FGFR2: variants seen among roughly 807,000 people sequenced by gnomAD.
The protein encoded by FGFR2 is fibroblast growth factor receptor 2, also known as BEK fibroblast growth factor receptor.
FGFR2 carries 19 observed loss-of-function variants against 95.9 expected under a neutral mutation model. That is an observed-to-expected ratio of 0.20 (90% CI 0.14 to 0.29). The LOEUF is 0.29. Among genes scored for constraint, FGFR2 ranks in the 10% least tolerant of loss-of-function variants. The pLI is 1.00. For missense variants in FGFR2, 707 were observed against 1,056.9 expected (o/e 0.67, Z 4.59); for synonymous variants, 392 against 393.3 (o/e 1.00, Z 0.04).
rs1412951377 is a variant in FGFR2 at position 121,581,785 on chromosome 10, A to T, written c.109+11924T>A. On this transcript the variant is annotated intron_variant, in intron 2 of 17. Transcript: ENST00000358487. Reference sequence around the variant, plus strand: ...TTAAAAAAAAAAAAAAAAAAAAAAAAAGCAGCAGCAGCAGCAGCTTCATAG... The same window carrying T: ...TTAAAAAAAAAAAAAAAAAAAAAAATAGCAGCAGCAGCAGCAGCTTCATAG... 4.1e-5 allele frequency among the ~76,000 whole-genome samples: 6 copies of T among 147,324 alleles called. No homozygotes were observed. In the East Asian group the frequency reaches 9.9e-4, roughly 24 times the overall value.
chr10:121,538,866 G>T, intron 5 of FGFR2, 151 bp from the exon 6 acceptor site: 1 of 995,914 alleles, frequency 1.0e-6, no homozygotes, highest in Non-Finnish European at 1.5e-6. Flanking sequence ...ATTAAGAATC[G>T]TGAGAAATGA....
rs772431089 is a variant in FGFR2 at position 121,503,955 on chromosome 10, G to T, written c.1288-14C>A. 2 of 1,613,754 alleles carry T rather than the reference G, an allele frequency of 1.2e-6. No individual in the cohort carries two copies. The highest frequency in any genetic ancestry group is 1.7e-6 in the Non-Finnish European group (2 of 1,179,912). On this transcript the variant is annotated splice_polypyrimidine_tract_variant and intron_variant, in intron 9 of 17. Transcript: ENST00000358487. ...CTCAGCCGAAACCTGGATACAAAAT[G>T]CAAAGACACAGATGTAATCCTGGCT...
chr10:121,515,455 TC>T, intron 8 of FGFR2, 136 bp from the exon 9 acceptor site: 1 of 836,642 alleles, frequency 1.2e-6, no homozygotes, highest in Non-Finnish European at 2.0e-6. Context: ...TCCCAAAAAC[TC>T]CCAAATGAAA....
At chr10:121,578,253 G>A (rs750391816) in intron 2 of FGFR2, among the ~76,000 whole-genome samples, 3 of 151,826 alleles carry the variant, frequency 2.0e-5, no homozygotes, top group Non-Finnish European at 4.4e-5. Context: ...GCGCATTGAG[G>A]CTTGGTTGCT....
intron 2 of FGFR2, among the ~76,000 whole-genome samples, chr10:121,568,051 T>A (rs776502108): frequency 6.6e-6 from 1 of 152,166 alleles, no homozygotes; most frequent in Non-Finnish European, 1.5e-5. Flanking sequence ...AAAATGCGGC[T>A]GAATTGAGTG....
rs1187626929 is a variant in FGFR2 at position 121,598,222 on chromosome 10, A to T, written c.-411T>A. The T allele has an allele frequency of 5.1e-6, 2 of 395,700 alleles. No homozygotes were observed. Among genetic ancestry groups the T allele is most frequent in the Non-Finnish European group, 4.5e-6 (1 of 224,424 alleles). The allele number at this position is 395,700 out of a possible 1,614,324, so 24.5% of individuals were successfully genotyped here. A position where few individuals can be genotyped will look rare whatever the true frequency, so the allele number is the denominator to read the frequency against. The stretch of plus-strand genomic sequence containing the variant: ...CTCAGGCTTGGCGTTGCCTCCACCA[A>T]ACTTTGCTCGCGAGTTGCGAAGGCT... On this transcript the variant is annotated 5_prime_UTR_variant, in exon 1 of 18. It adds an upstream start codon to the 5' untranslated region. Coordinates refer to ENST00000358487, the MANE Select transcript of FGFR2 (RefSeq NM_000141.5).
intron 14 of FGFR2, 80 bp from the exon 15 acceptor site, chr10:121,487,504 G>A (rs1845574277): frequency 5.2e-6 from 6 of 1,159,108 alleles, no homozygotes; most frequent in Non-Finnish European, 7.6e-6. Context: ...GCTATGCCCT[G>A]TTTAAGAGCT....
At chr10:121,563,194 T>C (rs954287993) in intron 4 of FGFR2, among the ~76,000 whole-genome samples, 2 of 152,130 alleles carry the variant, frequency 1.3e-5, no homozygotes, top group South Asian at 2.1e-4. Context: ...GCCAACATGG[T>C]GAAACCCCAT....
intron 4 of FGFR2, 187 bp downstream of exon 4, chr10:121,564,315 A>G (rs1345513088): frequency 6.4e-6 from 4 of 621,078 alleles, no homozygotes; most frequent in Non-Finnish European, 1.2e-5. Context: ...GACAAACGAT[A>G]GAGAAGGCTG....
chr10:121,499,030 C>A (rs1847247731), intron 11 of FGFR2, among the ~76,000 whole-genome samples: 1 of 152,180 alleles, frequency 6.6e-6, no homozygotes, highest in Admixed American at 6.5e-5. Flanking sequence ...CTTAACCCAG[C>A]CCCTCGAGGC....
intron 7 of FGFR2, 109 bp downstream of exon 7, chr10:121,519,868 CAA>C: frequency 4.8e-6 from 5 of 1,042,136 alleles, no homozygotes; most frequent in Non-Finnish European, 7.4e-6. Flanking sequence ...GCTGGCTAGT[CAA>C]AAAAGAGAAT....
At chr10:121,500,379 CAA>C (rs1466781624) in intron 11 of FGFR2, among the ~76,000 whole-genome samples, 1 of 152,130 alleles carries the variant, frequency 6.6e-6, no homozygotes, top group Non-Finnish European at 1.5e-5. Flanking sequence ...GTTCCTCACG[CAA>C]AAGAGAAGGC....
intron 2 of FGFR2, among the ~76,000 whole-genome samples, chr10:121,576,266 C>T (rs1340868502): frequency 2.0e-5 from 3 of 152,220 alleles, no homozygotes; most frequent in Non-Finnish European, 4.4e-5. Context: ...GATCATGTAG[C>T]GCCCAGGAAA....
intron 4 of FGFR2, among the ~76,000 whole-genome samples, chr10:121,551,683 A>G (rs914273517): frequency 6.6e-6 from 1 of 152,176 alleles, no homozygotes; most frequent in Non-Finnish European, 1.5e-5. Context: ...AGGAAGAAAA[A>G]AAAAAAAGTG....
At position 121,520,056 on chromosome 10, in the gene FGFR2, T is replaced by C. The variant is rs1217568539; in HGVS notation, c.862A>G (p.Ile288Val). The change falls in exon 7 of 18, where the codon ATC becomes GTC. Residue 288 changes from isoleucine to valine, a missense_variant. Coordinates refer to ENST00000358487, the MANE Select transcript of FGFR2 (RefSeq NM_000141.5). ...TTTTCCACGTGCTTGATCCACTGGA[T>C]GTGGGGCTGGGCATCACTGTAAACC... ...CKVYSDAQPHIQWIKHVEKNG... is the reference protein window; with the variant it reads ...CKVYSDAQPHVQWIKHVEKNG... 1 of 1,614,212 alleles carries C rather than the reference T, an allele frequency of 6.2e-7. No individual in the cohort carries two copies. Among genetic ancestry groups the C allele is most frequent in the Non-Finnish European group, 8.5e-7 (1 of 1,180,028 alleles).
chr10:121,534,787 T>C (rs1169583926), intron 6 of FGFR2, among the ~76,000 whole-genome samples: 2 of 152,152 alleles, frequency 1.3e-5, no homozygotes, highest in Non-Finnish European at 2.9e-5. Flanking sequence ...GAATCCTGGT[T>C]TGGAAGGGAG....
rs558067839 is a variant in FGFR2, at chr10:121,546,779, A to T, written c.624+4511T>A. On this transcript the variant is annotated intron_variant, in intron 5 of 17. Coordinates refer to ENST00000358487, the MANE Select transcript of FGFR2 (RefSeq NM_000141.5). The stretch of plus-strand genomic sequence containing the variant: ...AAGAATGAGATGGACAGGCCACCAA[A>T]GCACAATCATAGTTTATGGAATGAA... 3.9e-5 allele frequency among the ~76,000 whole-genome samples: 6 copies of T among 152,376 alleles called. No individual in the cohort carries two copies. In the South Asian group the frequency reaches 1.2e-3, roughly 32 times the overall value.
intron 17 of FGFR2, 128 bp downstream of exon 17, chr10:121,483,570 C>G: frequency 1.4e-6 from 1 of 721,376 alleles, no homozygotes. Flanking sequence ...ACTATCTGAC[C>G]CTATGGAAAA....
rs2133768692 is a variant in FGFR2 at position 121,483,745 on chromosome 10, G to T, written c.2254C>A (p.Gln752Lys). The change falls in exon 17 of 18, where the codon CAG becomes AAG. Residue 752 changes from glutamine to lysine, a missense_variant. Gln to Lys is a moderately conservative substitution (Grantham distance 53, BLOSUM62 1). Transcript: ENST00000358487. ...ATTCGATCCAAGTCTTCTACCAACT[G>T]CTTGAACGTTGGTCTCTGGGAGGGC... ...AVPSQRPTFKQLVEDLDRILT... is the reference protein window; with the variant it reads ...AVPSQRPTFKKLVEDLDRILT... 6.2e-7 allele frequency: 1 copy of T among 1,613,998 alleles called. No individual in the cohort carries two copies. Among genetic ancestry groups the T allele is most frequent in the East Asian group, 2.2e-5 (1 of 44,878 alleles).
Sources: gnomAD v4.1 joint callset for allele counts (sites outside exome capture counted in the v4.1 genomes callset) on GRCh38, gnomAD v4.1.1 for gene constraint, MANE v1.5 for transcripts, NCBI Gene and HGNC (gene_info 2026-07-23, HGNC 2026-07-21) for gene names.